Variants in BMP2K observed in about 807,000 individuals in gnomAD.
BMP2K encodes the protein BMP2 inducible kinase, also known as BMP-2-inducible protein kinase.
Under a neutral mutation model 116.0 loss-of-function variants are expected in BMP2K, and 74 were observed. That is an observed-to-expected ratio of 0.64 (90% confidence interval 0.53 to 0.77). The LOEUF (loss-of-function observed/expected upper bound fraction) is 0.77, where lower values mean the gene tolerates loss of function less well. Ranked by LOEUF, BMP2K falls within the 30% of genes least tolerant of loss-of-function variation. The pLI, the probability that BMP2K is intolerant of heterozygous loss-of-function variation, is 0.00. For synonymous variants in BMP2K, 486 were observed against 502.5 expected, an observed-to-expected ratio of 0.97 and a Z score of 0.44; for missense variants, 1,365 against 1,403.6, an observed-to-expected ratio of 0.97 and a Z score of 0.44.
intron 1 of BMP2K, among the ~76,000 whole-genome samples, chr4:78,781,633 A>G (rs893142624): frequency 3.9e-5 from 6 of 152,070 alleles, no homozygotes; most frequent in African/African-American, 1.4e-4. Context: ...GAGAGGATGG[A>G]TGTAGGGAGA....
At chr4:78,796,672 A>G (rs927178651) in intron 1 of BMP2K, among the ~76,000 whole-genome samples, 1 of 152,202 alleles carries the variant, frequency 6.6e-6, no homozygotes, top group Non-Finnish European at 1.5e-5. Context: ...ACAGCAATAT[A>G]TAAGAGTTCA....
At chr4:78,805,476 T>C (rs1464412501) in intron 1 of BMP2K, among the ~76,000 whole-genome samples, 1 of 152,224 alleles carries the variant, frequency 6.6e-6, no homozygotes, top group Admixed American at 6.5e-5. Context: ...TTGAAGTATT[T>C]CAATCCAGTC....
chr4:78,784,113 T>C (rs940824403), intron 1 of BMP2K, among the ~76,000 whole-genome samples: 5 of 152,202 alleles, frequency 3.3e-5, no homozygotes, highest in Admixed American at 6.5e-5. Context: ...CTGGGTCTTA[T>C]ATAGTGTTCT....
chr4:78,840,397 GT>G (rs1164674504), intron 3 of BMP2K, among the ~76,000 whole-genome samples: 1 of 152,086 alleles, frequency 6.6e-6, no homozygotes, highest in Non-Finnish European at 1.5e-5. Context: ...AAATGCCTGG[GT>G]TTATATCCTG....
intron 14 of BMP2K, chr4:78,879,176 A>G: frequency 9.1e-7 from 1 of 1,096,610 alleles, no homozygotes; most frequent in African/African-American, 1.6e-5. Context: ...ATATCTCTAA[A>G]ACATGGAAAA....
intron 7 of BMP2K, among the ~76,000 whole-genome samples, chr4:78,853,312 C>T (rs1364191592): frequency 6.6e-6 from 1 of 152,018 alleles, no homozygotes; most frequent in Non-Finnish European, 1.5e-5. Context: ...GGGTAGTTAC[C>T]ATTATTTACT....
Position 78,861,384 on chromosome 4 carries a change from C to A in BMP2K, c.988-5C>A. The A allele has an allele frequency of 6.3e-7, 1 of 1,576,296 alleles. No homozygotes were observed. Among genetic ancestry groups the A allele is most frequent in the Non-Finnish European group, 8.6e-7 (1 of 1,163,234 alleles). On this transcript the variant is annotated splice_region_variant and splice_polypyrimidine_tract_variant and intron_variant, in intron 8 of 15. Coordinates refer to ENST00000502613, the MANE Select transcript of BMP2K (RefSeq NM_198892.2). The stretch of plus-strand genomic sequence containing the variant: ...AATGAGACGTTTTATTTTTTTTCTT[C>A]CAAGAATTCTTCTATTCCTTCAGCT...
chr4:78,896,478 G>A (rs1733707287), intron 15 of BMP2K, among the ~76,000 whole-genome samples: 1 of 152,118 alleles, frequency 6.6e-6, no homozygotes, highest in Non-Finnish European at 1.5e-5. Flanking sequence ...TCTATAAAAT[G>A]GGGGTAATAG....
intron 7 of BMP2K, among the ~76,000 whole-genome samples, chr4:78,852,919 T>C (rs1731328004): frequency 1.3e-5 from 2 of 152,186 alleles, no homozygotes; most frequent in Non-Finnish European, 2.9e-5. Flanking sequence ...TTTTATTCTT[T>C]ATATTTTTCA....
chr4:78,790,051 A>G (rs1727922807), intron 1 of BMP2K, among the ~76,000 whole-genome samples: 1 of 152,242 alleles, frequency 6.6e-6, no homozygotes, highest in South Asian at 2.1e-4. Flanking sequence ...ATGACAGCAC[A>G]AATGCTTTAG....
chr4:78,844,584 T>C (rs1305096536), intron 4 of BMP2K, among the ~76,000 whole-genome samples: 1 of 151,554 alleles, frequency 6.6e-6, no homozygotes, highest in Non-Finnish European at 1.5e-5. Context: ...CAGTTTTAGA[T>C]AGGATTTAGG....
At chr4:78,786,834 T>C (rs577323203) in intron 1 of BMP2K, among the ~76,000 whole-genome samples, 1 of 152,364 alleles carries the variant, frequency 6.6e-6, no homozygotes, top group East Asian at 1.9e-4. Flanking sequence ...TTTGTTCTAT[T>C]CTAATAAAAT....
intron 5 of BMP2K, among the ~76,000 whole-genome samples, chr4:78,846,654 T>C (rs536149042): frequency 6.6e-5 from 10 of 151,776 alleles, no homozygotes; most frequent in Non-Finnish European, 1.3e-4. Flanking sequence ...ATATACTTAA[T>C]GAGTGCAGTT....
intron 1 of BMP2K, among the ~76,000 whole-genome samples, chr4:78,802,915 T>C (rs1728640134): frequency 6.6e-6 from 1 of 152,104 alleles, no homozygotes; most frequent in South Asian, 2.1e-4. Context: ...AATGGCACAT[T>C]CCTGGCTCAC....
Position 78,911,346 on chromosome 4 carries a change from C to T in BMP2K, c.2799C>T (p.Gly933=), listed in dbSNP as rs1209684795. 1.4e-5 allele frequency: 23 copies of T among 1,613,584 alleles called. No individual in the cohort carries two copies. The highest frequency in any genetic ancestry group is 1.9e-5 in the Non-Finnish European group (22 of 1,179,788). ...ATCCCAAAAGTGTAGATGTATTTGG[C>T]TCCACTCCATTTCAGCCCTTCCTCA... is the stretch of plus-strand genomic sequence containing the variant. ...PGYPKSVDVF[G]STPFQPFLTS... is the part of the protein sequence containing the mutation. Residue 933 remains glycine, a synonymous_variant, in exon 16 of 16, where the codon GGC becomes GGT. Coordinates refer to ENST00000502613, the MANE Select transcript of BMP2K (RefSeq NM_198892.2).
rs114238014 is a variant in BMP2K, at chr4:78,804,399, C to T, written c.179-21638C>T. Among the ~76,000 whole-genome samples the T allele has an allele frequency of 4.5e-3, 685 of 152,150 alleles. 2 individuals carry two copies. Among genetic ancestry groups the T allele is most frequent in the African/African-American group, 0.016 (646 of 41,506 alleles). On this transcript the variant is annotated intron_variant, in intron 1 of 15. Coordinates refer to ENST00000502613, the MANE Select transcript of BMP2K (RefSeq NM_198892.2). ...GCTTTTTGGCTATTATGAACATTTA[C>T]GTAAAATTTTTTGCGTGGATATATA...
In BMP2K at chr4:78,872,353, C is replaced by T. The variant is rs866000845; in HGVS notation, c.1609-261C>T. On this transcript the variant is annotated intron_variant, in intron 12 of 15. Coordinates refer to ENST00000502613, the MANE Select transcript of BMP2K (RefSeq NM_198892.2). ...TTAACAGCAACCACTATATTAGTGA[C>T]TTTAAGCTACTCTTTTTCTTAAAAT... is the stretch of plus-strand genomic sequence containing the variant. 1.1e-3 allele frequency: 141 copies of T among 128,332 alleles called. No homozygotes were observed. In the Middle Eastern group the frequency reaches 0.025, roughly 23 times the overall value. 7.9% of individuals were successfully genotyped at this position (128,332 alleles called of 1,614,324 possible). A position where few individuals can be genotyped will look rare whatever the true frequency, so the allele number is the denominator to read the frequency against.
intron 1 of BMP2K, among the ~76,000 whole-genome samples, chr4:78,780,362 T>C (rs1288126231): frequency 2.0e-5 from 3 of 152,144 alleles, no homozygotes; most frequent in Admixed American, 2.0e-4. Context: ...GGTTATTGGA[T>C]TGTTAGTAAT....
chr4:78,839,084 T>A lies in BMP2K; in HGVS notation c.404-3301T>A, dbSNP rs961971143. Among the ~76,000 whole-genome samples, 3 of 152,210 alleles carry A rather than the reference T, an allele frequency of 2.0e-5. No individual in the cohort carries two copies. In the South Asian group the frequency reaches 6.2e-4, roughly 32 times the overall value. On this transcript the variant is annotated intron_variant, in intron 3 of 15. Transcript: ENST00000502613. ...TTAGTATTTGCTTAATTAAAAAAAA[T>A]TCCAAAACTCAATAGCATAAAATAA... is the stretch of plus-strand genomic sequence containing the variant.
Sources: allele counts gnomAD v4.1 joint callset (sites outside exome capture counted in the v4.1 genomes callset), GRCh38; gene constraint gnomAD v4.1.1; transcripts MANE v1.5; gene names NCBI Gene and HGNC (gene_info 2026-07-23, HGNC 2026-07-21).